VSIG10: variants seen among roughly 807,000 people sequenced by gnomAD.
VSIG10 encodes the protein V-set and immunoglobulin domain containing 10.
VSIG10 carries 48 observed loss-of-function variants against 58.7 expected under a neutral mutation model. That is an observed-to-expected ratio of 0.82 (90% confidence interval 0.65 to 1.04). The LOEUF is 1.04. Among genes scored for constraint, VSIG10 ranks in the 50% least tolerant of loss-of-function variants. The pLI is 0.00. For missense variants in VSIG10, 628 were observed against 670.0 expected, an observed-to-expected ratio of 0.94 and a Z score of 0.69; for synonymous variants, 260 against 267.1, an observed-to-expected ratio of 0.97 and a Z score of 0.26.
chr12:118,080,179 T>C (rs75032573), intron 3 of VSIG10, among the ~76,000 whole-genome samples: 1 of 148,594 alleles, frequency 6.7e-6, no homozygotes, highest in South Asian at 2.1e-4. Context: ...TTTTTTTTTT[T>C]AATAGAGACA....
At position 118,103,940 on chromosome 12, in the gene VSIG10, C is replaced by T. The variant is rs2033687603; in HGVS notation, c.-269G>A. 5.4e-6 allele frequency: 2 copies of T among 369,882 alleles called. No individual in the cohort carries two copies. Among genetic ancestry groups the T allele is most frequent in the Admixed American group, 4.7e-5 (1 of 21,322 alleles). 22.9% of individuals were successfully genotyped at this position (369,882 alleles called of 1,614,324 possible). On this transcript the variant is annotated 5_prime_UTR_variant, in exon 1 of 9. Coordinates refer to ENST00000359236, the MANE Select transcript of VSIG10 (RefSeq NM_019086.6). Reference sequence around the variant, plus strand: ...CCCGCCCCCTGCGCCCGCCAGCCTACTCCTGCCGGCGGAAAACAACAGGAG... The same window carrying T: ...CCCGCCCCCTGCGCCCGCCAGCCTATTCCTGCCGGCGGAAAACAACAGGAG...
At chr12:118,068,344 T>A in intron 8 of VSIG10, 33 bp downstream of exon 8, 2 of 1,602,966 alleles carry the variant, frequency 1.2e-6, no homozygotes, top group Non-Finnish European at 1.7e-6. Flanking sequence ...TTTGTTTGTT[T>A]TCTGTTTGTT....
At chr12:118,075,184 G>GTA (rs33966824) in intron 4 of VSIG10, among the ~76,000 whole-genome samples, 4 of 148,024 alleles carry the variant, frequency 2.7e-5, no homozygotes, top group South Asian at 2.1e-4. Context: ...ATATATGTGT[G>GTA]TATATATATA....
At position 118,103,942 on chromosome 12, in the gene VSIG10, C is replaced by T. The variant is rs2033687706; in HGVS notation, c.-271G>A. On this transcript the variant is annotated 5_prime_UTR_variant, in exon 1 of 9. Transcript: ENST00000359236. ...CGCCCCCTGCGCCCGCCAGCCTACT[C>T]CTGCCGGCGGAAAACAACAGGAGCG... 1 of 367,514 alleles carries T rather than the reference C, an allele frequency of 2.7e-6. No homozygotes were observed. The allele number at this position is 367,514 out of a possible 1,614,324, so 22.8% of individuals were successfully genotyped here. A position where few individuals can be genotyped will look rare whatever the true frequency, so the allele number is the denominator to read the frequency against.
At chr12:118,066,870 A>G (rs981537440) in intron 8 of VSIG10, 176 bp from the exon 9 acceptor site, 4 of 660,442 alleles carry the variant, frequency 6.1e-6, no homozygotes, top group Non-Finnish European at 1.0e-5. Flanking sequence ...TTCTACATTC[A>G]GAACCTCTAG....
Position 118,079,481 on chromosome 12 carries a change from C to A in VSIG10, c.790G>T (p.Gly264Cys). Reference sequence around the variant, plus strand: ...AGCTTTGACTTCCCCACGATTACACCTCCTGGCTCTTCTATCCACAGGAAG... The same window carrying A: ...AGCTTTGACTTCCCCACGATTACACATCCTGGCTCTTCTATCCACAGGAAG... ...PDFLWIEEPG[G>C]VIVGKSKLGV... Residue 264 changes from glycine to cysteine, a missense_variant, in exon 4 of 9, where the codon GGT becomes TGT. Physicochemically the swap from Gly to Cys is radical, Grantham distance 159. Transcript: ENST00000359236. 6.2e-7 allele frequency: 1 copy of A among 1,614,048 alleles called. No homozygotes were observed. Among genetic ancestry groups the A allele is most frequent in the Non-Finnish European group, 8.5e-7 (1 of 1,179,908 alleles).
chr12:118,080,247 G>T (rs1038052776), intron 3 of VSIG10, among the ~76,000 whole-genome samples: 3 of 151,272 alleles, frequency 2.0e-5, no homozygotes, highest in African/African-American at 7.3e-5. Context: ...TGATCCACCC[G>T]CCTCAGCCTC....
Position 118,095,187 on chromosome 12 carries a change from G to C in VSIG10, c.361+346C>G, listed in dbSNP as rs546842433. Among the ~76,000 whole-genome samples, 3 of 152,228 alleles carry C rather than the reference G, an allele frequency of 2.0e-5. No individual in the cohort carries two copies. In the South Asian group the frequency reaches 6.2e-4, roughly 32 times the overall value. On this transcript the variant is annotated intron_variant, in intron 2 of 8. Coordinates refer to ENST00000359236, the MANE Select transcript of VSIG10 (RefSeq NM_019086.6). ...CAAAGTGCTGGGATTACAGGCGTAA[G>C]CCACCGCACCCGGCCGGCATTTTTT...
chr12:118,096,208 C>T (rs1269604601), intron 1 of VSIG10, among the ~76,000 whole-genome samples: 1 of 151,908 alleles, frequency 6.6e-6, no homozygotes, highest in Non-Finnish European at 1.5e-5. Flanking sequence ...TTTGGGAGGC[C>T]GAGGTGGGCG....
chr12:118,069,421 TC>T lies in VSIG10; in HGVS notation c.1347-825del, dbSNP rs1196213799. 9.2e-3 allele frequency among the ~76,000 whole-genome samples: 978 copies of T among 106,090 alleles called. 7 individuals are homozygous for T. The highest frequency in any genetic ancestry group is 0.016 in the Middle Eastern group (3 of 186). 69.6% of individuals were successfully genotyped at this position (106,090 alleles called of 152,430 possible). ...ACTGTGCATTTCTTCTTCTTCTTCT[TC>T]TTCTTTTTTTTTTTTTTTTTGAGAC... On this transcript the variant is annotated intron_variant, in intron 7 of 8. Transcript: ENST00000359236.
chr12:118,087,890 A>G (rs2033176938), intron 2 of VSIG10, among the ~76,000 whole-genome samples: 1 of 148,738 alleles, frequency 6.7e-6, no homozygotes, highest in African/African-American at 2.4e-5. Flanking sequence ...TCAGCTAGCA[A>G]CTACATCAGT....
rs779409537 is a variant in VSIG10 at position 118,064,012 on chromosome 12, G to T, written c.*2627C>A. On this transcript the variant is annotated 3_prime_UTR_variant, in exon 9 of 9. Transcript: ENST00000359236. ...TGGACCTGAAGTGTGTATCTTCCTGGTCCTGATAAATAGATCTCATGGTCT... is the reference window on the plus strand; with the variant it reads ...TGGACCTGAAGTGTGTATCTTCCTGTTCCTGATAAATAGATCTCATGGTCT... 6.6e-6 allele frequency: 1 copy of T among 152,124 alleles called. No individual in the cohort carries two copies. Among genetic ancestry groups the T allele is most frequent in the Non-Finnish European group, 1.5e-5 (1 of 68,024 alleles). The allele number at this position is 152,124 out of a possible 1,614,324, so 9.4% of individuals were successfully genotyped here.
chr12:118,079,873 G>T (rs1360897283), intron 3 of VSIG10, among the ~76,000 whole-genome samples: 1 of 152,128 alleles, frequency 6.6e-6, no homozygotes, highest in Non-Finnish European at 1.5e-5. Context: ...CACTCTTGTT[G>T]CCCAGGCTGG....
intron 4 of VSIG10, among the ~76,000 whole-genome samples, chr12:118,074,816 C>G (rs940189462): frequency 3.3e-5 from 5 of 152,046 alleles, no homozygotes; most frequent in Admixed American, 6.6e-5. Flanking sequence ...TCTTGCAGTA[C>G]TTTTAAGTAT....
At chr12:118,097,981 C>T (rs1014485917) in intron 1 of VSIG10, among the ~76,000 whole-genome samples, 1 of 152,110 alleles carries the variant, frequency 6.6e-6, no homozygotes, top group African/African-American at 2.4e-5. Flanking sequence ...GTGGCTCCAG[C>T]CTGGCCCATT....
At position 118,079,388 on chromosome 12, in the gene VSIG10, T is replaced by A; in HGVS notation, c.883A>T (p.Ile295Leu). ...CTGGCGCCCGACTCTGGCCCAACTA[T>A]GTGGCTTGTAACACACTTGAACTTC... Reference protein sequence around the residue: ...GKKFKCVTSHIVGPESGASCM... With the variant: ...GKKFKCVTSHLVGPESGASCM... The change falls in exon 4 of 9, where the codon ATA (isoleucine) becomes TTA (leucine). Residue 295 changes from isoleucine to leucine, a missense_variant. Physicochemically the swap from Ile to Leu is conservative, Grantham distance 5. Coordinates refer to ENST00000359236, the MANE Select transcript of VSIG10 (RefSeq NM_019086.6). 6.2e-7 allele frequency: 1 copy of A among 1,614,016 alleles called. No individual in the cohort carries two copies. The highest frequency in any genetic ancestry group is 8.5e-7 in the Non-Finnish European group (1 of 1,179,888).
intron 7 of VSIG10, 46 bp from the exon 8 acceptor site, chr12:118,068,643 C>T: frequency 6.7e-7 from 1 of 1,489,710 alleles, no homozygotes; most frequent in Non-Finnish European, 9.0e-7. Context: ...TCTTATTTTT[C>T]CCAACTTCAG....
intron 2 of VSIG10, among the ~76,000 whole-genome samples, chr12:118,090,255 A>C (rs1317640939): frequency 6.6e-6 from 1 of 152,292 alleles, no homozygotes; most frequent in South Asian, 2.1e-4. Context: ...TTGTGAGCCG[A>C]GATCATGCCA....
intron 3 of VSIG10, among the ~76,000 whole-genome samples, chr12:118,081,812 T>C (rs1593513536): frequency 1.3e-5 from 2 of 149,500 alleles, no homozygotes; most frequent in South Asian, 4.2e-4. Context: ...AGGTCGGGAG[T>C]TCAAGACCAG....
Sources: allele counts gnomAD v4.1 joint callset (sites outside exome capture counted in the v4.1 genomes callset), GRCh38; gene constraint gnomAD v4.1.1; transcripts MANE v1.5; gene names NCBI Gene and HGNC (gene_info 2026-07-23, HGNC 2026-07-21).